Variants in COL23A1 observed in about 807,000 individuals in gnomAD.
The protein encoded by COL23A1 is collagen type XXIII alpha 1 chain.
A neutral mutation model predicts 99.3 loss-of-function variants in COL23A1; 97 were observed. The observed-to-expected ratio is 0.98, with a 90% confidence interval of 0.83 to 1.16. COL23A1 has a LOEUF of 1.16. COL23A1 is among the 50% of genes most tolerant of loss of function. The pLI, the probability that COL23A1 is intolerant of heterozygous loss-of-function variation, is 0.00. For synonymous variants in COL23A1, 320 were observed against 308.2 expected, an observed-to-expected ratio of 1.04 and a Z score of -0.40; for missense variants, 762 against 757.4, an observed-to-expected ratio of 1.01 and a Z score of -0.07.
chr5:178,516,912 GGTGGGA>G (rs1240231722), intron 2 of COL23A1, among the ~76,000 whole-genome samples: 1 of 152,222 alleles, frequency 6.6e-6, no homozygotes, highest in African/African-American at 2.4e-5. Context: ...ACCAGTAGCT[GGTGGGA>G]GCGGGCTTCC....
At chr5:178,572,644 A>T (rs925462022) in intron 1 of COL23A1, among the ~76,000 whole-genome samples, 1 of 152,234 alleles carries the variant, frequency 6.6e-6, no homozygotes, top group Non-Finnish European at 1.5e-5. Context: ...TAATACACAT[A>T]TCATATGCTC....
chr5:178,523,533 C>T (rs1315738808), intron 2 of COL23A1: 1 of 151,812 alleles, frequency 6.6e-6, no homozygotes, highest in African/African-American at 2.4e-5. Context: ...CACTGGGAAC[C>T]GACGGGCCAG....
At chr5:178,475,417 A>AG (rs1368241847) in intron 2 of COL23A1, among the ~76,000 whole-genome samples, 1 of 152,162 alleles carries the variant, frequency 6.6e-6, no homozygotes, top group Non-Finnish European at 1.5e-5. Context: ...CATTTGGTGA[A>AG]GGGGGTACAG....
At chr5:178,292,688 G>A (rs1053354602) in intron 3 of COL23A1, among the ~76,000 whole-genome samples, 3 of 152,158 alleles carry the variant, frequency 2.0e-5, no homozygotes, top group African/African-American at 7.2e-5. Context: ...TGGAAGTGGT[G>A]GACGTGGTTG....
Position 178,256,865 on chromosome 5 carries a change from C to G in COL23A1, c.837+1G>C. 1 of 1,612,672 alleles carries G rather than the reference C, an allele frequency of 6.2e-7. No homozygotes were observed. Among genetic ancestry groups the G allele is most frequent in the Admixed American group, 1.7e-5 (1 of 59,910 alleles). On this transcript the variant is annotated splice_donor_variant, in intron 14 of 28. Coordinates refer to ENST00000390654, the MANE Select transcript of COL23A1 (RefSeq NM_173465.4). LOFTEE classifies it high-confidence loss of function. The stretch of plus-strand genomic sequence containing the variant: ...GCCAGAGCAGAGAGCTCTCATGTCA[C>G]CTTCGGTCCTGGGGCACCGTCCACA...
At chr5:178,377,041 T>C (rs1016591293) in intron 2 of COL23A1, among the ~76,000 whole-genome samples, 3 of 152,212 alleles carry the variant, frequency 2.0e-5, no homozygotes, top group Non-Finnish European at 4.4e-5. Flanking sequence ...GGCTGGAGGA[T>C]GTCTCAAGGA....
intron 5 of COL23A1, among the ~76,000 whole-genome samples, chr5:178,277,364 TCAAA>T (rs755182127): frequency 9.2e-5 from 14 of 152,324 alleles, no homozygotes; most frequent in Admixed American, 2.0e-4. Flanking sequence ...AGACTTTGTC[TCAAA>T]CAAACAAAAA....
In COL23A1 at chr5:178,275,759, G is replaced by A. The variant is rs996726904; in HGVS notation, c.442-5396C>T. On this transcript the variant is annotated intron_variant, in intron 5 of 28. Coordinates refer to ENST00000390654, the MANE Select transcript of COL23A1 (RefSeq NM_173465.4). ...CACCAGTGAAACTACAAAGTCAGCT[G>A]GTCGGAAGGATCCCACGGGAGCTGA... Among the ~76,000 whole-genome samples the A allele has an allele frequency of 2.6e-5, 4 of 152,136 alleles. No individual in the cohort carries two copies. In the East Asian group the frequency reaches 7.7e-4, roughly 29 times the overall value.
chr5:178,535,235 A>C (rs1281019162), intron 2 of COL23A1, among the ~76,000 whole-genome samples: 1 of 152,090 alleles, frequency 6.6e-6, no homozygotes, highest in Non-Finnish European at 1.5e-5. Flanking sequence ...CAGCCTCCCA[A>C]AGTGCTGGGA....
chr5:178,559,935 A>G (rs1762475731), intron 2 of COL23A1, among the ~76,000 whole-genome samples: 2 of 152,130 alleles, frequency 1.3e-5, no homozygotes, highest in African/African-American at 2.4e-5. Context: ...CACGTCGGGA[A>G]GTCTGAGACA....
In COL23A1 at chr5:178,418,772, G is replaced by A. The variant is rs571619088; in HGVS notation, c.362-111853C>T. 7.9e-5 allele frequency among the ~76,000 whole-genome samples: 12 copies of A among 152,342 alleles called. No homozygotes were observed. The East Asian group carries it at 1.2e-3, about 15-fold the overall frequency. ...GTCCGTGCAGCACCCTCTGCTTGTCGGCACTGGGAGGCAGGCCTGGCCTAA... is the reference window on the plus strand; with the variant it reads ...GTCCGTGCAGCACCCTCTGCTTGTCAGCACTGGGAGGCAGGCCTGGCCTAA... On this transcript the variant is annotated intron_variant, in intron 2 of 28. Transcript: ENST00000390654.
intron 2 of COL23A1, among the ~76,000 whole-genome samples, chr5:178,509,748 G>A (rs945428531): frequency 6.6e-6 from 1 of 152,212 alleles, no homozygotes; most frequent in Non-Finnish European, 1.5e-5. Context: ...CAAGTGTGAA[G>A]CTTCCTCCGA....
chr5:178,299,338 G>T (rs2973791), intron 3 of COL23A1, among the ~76,000 whole-genome samples: 1 of 152,112 alleles, frequency 6.6e-6, no homozygotes, highest in African/African-American at 2.4e-5. Flanking sequence ...CTTTGTTACA[G>T]GTCTATTCAG....
At chr5:178,412,085 T>C (rs189334576) in intron 2 of COL23A1, among the ~76,000 whole-genome samples, 2 of 152,330 alleles carry the variant, frequency 1.3e-5, no homozygotes, top group Non-Finnish European at 2.9e-5. Context: ...TAACATTGTA[T>C]ATAATGGTAA....
chr5:178,270,316 A>G, intron 6 of COL23A1, 21 bp downstream of exon 6: 12 of 1,613,742 alleles, frequency 7.4e-6, no homozygotes, highest in Non-Finnish European at 9.3e-6. Context: ...GACCCCCTGG[A>G]ATTGCCCTGT....
intron 2 of COL23A1, among the ~76,000 whole-genome samples, chr5:178,490,005 G>A (rs143232271): frequency 3.5e-4 from 53 of 152,042 alleles, no homozygotes; most frequent in African/African-American, 1.2e-3. Flanking sequence ...AGGCCGAGGC[G>A]GGCGGATCAC....
chr5:178,548,822 T>C (rs1761853123), intron 2 of COL23A1, among the ~76,000 whole-genome samples: 1 of 152,194 alleles, frequency 6.6e-6, no homozygotes, highest in African/African-American at 2.4e-5. Flanking sequence ...TTTTTAAAAA[T>C]GTCCATCAAG....
chr5:178,249,207 C>T lies in COL23A1; in HGVS notation c.1060-1G>A. 6.2e-7 allele frequency: 1 copy of T among 1,614,190 alleles called. No individual in the cohort carries two copies. The highest frequency in any genetic ancestry group is 8.5e-7 in the Non-Finnish European group (1 of 1,179,994). On this transcript the variant is annotated splice_acceptor_variant, in intron 18 of 28. Coordinates refer to ENST00000390654, the MANE Select transcript of COL23A1 (RefSeq NM_173465.4). LOFTEE classifies it high-confidence loss of function. The stretch of plus-strand genomic sequence containing the variant: ...GGTCTCCTTTCTGTCCTTTGGGGCC[C>T]TGAAAGCCATAAGCACAAGGGATGA...
At chr5:178,369,912 G>A (rs750253866) in intron 2 of COL23A1, among the ~76,000 whole-genome samples, 6 of 152,192 alleles carry the variant, frequency 3.9e-5, no homozygotes, top group Non-Finnish European at 7.3e-5. Flanking sequence ...ACCATGCCAC[G>A]GGCCAGGATT....
Sources: gnomAD v4.1 joint callset for allele counts (sites outside exome capture counted in the v4.1 genomes callset) on GRCh38, gnomAD v4.1.1 for gene constraint, MANE v1.5 for transcripts, NCBI Gene and HGNC (gene_info 2026-07-23, HGNC 2026-07-21) for gene names.